Variants in AHCTF1 observed in about 807,000 individuals in gnomAD.
AHCTF1 encodes protein ELYS.
A neutral mutation model predicts 248.4 loss-of-function variants in AHCTF1; 24 were observed. The ratio of observed to expected loss-of-function variants is 0.10; its 90% CI spans 0.07 to 0.14. The LOEUF is 0.14. Ranked by LOEUF, AHCTF1 falls within the 10% of genes least tolerant of loss-of-function variation. The pLI, the probability that AHCTF1 is intolerant of heterozygous loss-of-function variation, is 1.00. For missense variants in AHCTF1, 2,206 were observed against 2,636.2 expected (o/e 0.84, Z 3.57); for synonymous variants, 786 against 929.8 (o/e 0.85, Z 2.81).
In AHCTF1 at chr1:246,853,401, G is replaced by C. The variant is rs527888948; in HGVS notation, c.4355-102C>G. 126 of 873,340 alleles carry C rather than the reference G, an allele frequency of 1.4e-4. 1 individual carries two copies. The highest frequency in any genetic ancestry group is 1.0e-3 in the Middle Eastern group (4 of 3,982). The allele number at this position is 873,340 out of a possible 1,614,324, so 54.1% of individuals were successfully genotyped here. ...AAAGGCTACACTGCACTTGAATAGT[G>C]TATTAATAAACTATCACAATGCCAG... is the stretch of plus-strand genomic sequence containing the variant. On this transcript the variant is annotated intron_variant, in intron 31 of 35. Transcript: ENST00000648844.
intron 20 of AHCTF1, 40 bp from the exon 21 acceptor site, chr1:246,885,720 C>T (rs1250626052): frequency 1.3e-6 from 2 of 1,532,990 alleles, no homozygotes; most frequent in Admixed American, 1.9e-5. Flanking sequence ...AAATATAATC[C>T]TATACATTTA....
intron 24 of AHCTF1, among the ~76,000 whole-genome samples, chr1:246,871,729 G>A (rs11582097): frequency 0.25 from 37,380 of 151,740 alleles, 4,701 homozygotes; most frequent in South Asian, 0.3. Flanking sequence ...GAGGCCTCCT[G>A]ACTGCAGACT....
chr1:246,857,530 A>G (rs548904047), intron 30 of AHCTF1, among the ~76,000 whole-genome samples, 161 bp downstream of exon 30: 7 of 152,368 alleles, frequency 4.6e-5, no homozygotes, highest in African/African-American at 1.4e-4. Flanking sequence ...TAAATGACAT[A>G]TAACTGCACA....
intron 24 of AHCTF1, among the ~76,000 whole-genome samples, 167 bp from the exon 25 acceptor site, chr1:246,867,978 C>G (rs957485211): frequency 4.8e-5 from 6 of 125,368 alleles, no homozygotes; most frequent in Non-Finnish European, 7.9e-5. Flanking sequence ...AATTTTTTTT[C>G]TTTTAGACCA....
intron 20 of AHCTF1, 65 bp from the exon 21 acceptor site, chr1:246,885,745 A>T (rs1663771832): frequency 1.4e-6 from 2 of 1,426,632 alleles, no homozygotes; most frequent in Non-Finnish European, 1.9e-6. Context: ...AAGTAGGTAA[A>T]CCTAACACTA....
At chr1:246,890,778 T>C (rs185088150) in intron 16 of AHCTF1, among the ~76,000 whole-genome samples, 178 bp downstream of exon 16, 78 of 152,156 alleles carry the variant, frequency 5.1e-4, no homozygotes, top group African/African-American at 1.6e-3. Flanking sequence ...GTGTCAGGCA[T>C]AGGATGAAGA....
intron 3 of AHCTF1, among the ~76,000 whole-genome samples, chr1:246,915,409 A>C (rs1666079588): frequency 6.6e-6 from 1 of 152,036 alleles, no homozygotes; most frequent in Non-Finnish European, 1.5e-5. Context: ...TCTAAAACCT[A>C]ACGTTTCTGG....
At chr1:246,922,334 C>T (rs905279265) in intron 1 of AHCTF1, among the ~76,000 whole-genome samples, 1 of 151,782 alleles carries the variant, frequency 6.6e-6, no homozygotes, top group South Asian at 2.1e-4. Flanking sequence ...CACTCCAGCG[C>T]GGGTGACAGA....
At chr1:246,896,707 CTGCACGG>C (rs1664598033) in intron 12 of AHCTF1, among the ~76,000 whole-genome samples, 1 of 152,170 alleles carries the variant, frequency 6.6e-6, no homozygotes, top group South Asian at 2.1e-4. Flanking sequence ...AATATCTGAA[CTGCACGG>C]TGTATGAAAT....
chr1:246,867,028 T>G (rs905950915), intron 26 of AHCTF1, among the ~76,000 whole-genome samples: 3 of 152,198 alleles, frequency 2.0e-5, no homozygotes, highest in Non-Finnish European at 4.4e-5. Context: ...TCCTGTCCAC[T>G]AAGCAGTCTG....
intron 6 of AHCTF1, 84 bp from the exon 7 acceptor site, chr1:246,904,117 C>G: frequency 8.2e-7 from 1 of 1,216,364 alleles, no homozygotes; most frequent in Non-Finnish European, 1.2e-6. Flanking sequence ...AGTTTGCTTG[C>G]AATGTTGAGT....
chr1:246,927,363 C>T (rs565034015), intron 1 of AHCTF1, among the ~76,000 whole-genome samples: 13 of 152,190 alleles, frequency 8.5e-5, no homozygotes, highest in African/African-American at 2.4e-4. Flanking sequence ...GCTGCATACG[C>T]TTGTCATCCC....
intron 26 of AHCTF1, among the ~76,000 whole-genome samples, chr1:246,864,809 C>T (rs1453802460): frequency 5.1e-5 from 1 of 19,610 alleles, no homozygotes; most frequent in Non-Finnish European, 6.8e-5. Context: ...CACTGCAGTC[C>T]GCAGTCCGAC....
At chr1:246,886,677 A>C (rs1341683172) in intron 20 of AHCTF1, among the ~76,000 whole-genome samples, 1 of 152,130 alleles carries the variant, frequency 6.6e-6, no homozygotes, top group East Asian at 1.9e-4. Flanking sequence ...GGTATACAAG[A>C]GGATGTGCAT....
chr1:246,918,177 T>C, intron 2 of AHCTF1, 73 bp downstream of exon 2: 2 of 1,335,582 alleles, frequency 1.5e-6, no homozygotes, highest in Non-Finnish European at 2.0e-6. Flanking sequence ...ATAAAGAAAC[T>C]ATAATATATA....
intron 33 of AHCTF1, among the ~76,000 whole-genome samples, chr1:246,845,330 G>T (rs1207708298): frequency 6.6e-6 from 1 of 151,462 alleles, no homozygotes; most frequent in Non-Finnish European, 1.5e-5. Flanking sequence ...TTTTTTGTGG[G>T]TACACAGTAG....
intron 20 of AHCTF1, 148 bp downstream of exon 20, chr1:246,887,063 G>T: frequency 2.5e-6 from 2 of 787,478 alleles, no homozygotes; most frequent in Non-Finnish European, 3.8e-6. Context: ...CTAAAATAGT[G>T]CTTGGTAAAG....
At chr1:246,860,360 T>G (rs987621214) in intron 29 of AHCTF1, among the ~76,000 whole-genome samples, 1 of 152,238 alleles carries the variant, frequency 6.6e-6, no homozygotes, top group Admixed American at 6.5e-5. Context: ...TATGGCATCT[T>G]ACATTTCTTT....
chr1:246,875,182 C>T (rs980798375), intron 24 of AHCTF1, among the ~76,000 whole-genome samples: 2 of 152,092 alleles, frequency 1.3e-5, no homozygotes, highest in African/African-American at 4.8e-5. Flanking sequence ...GGACCACTCC[C>T]TTACATACAA....
Sources: gnomAD v4.1 joint callset for allele counts (sites outside exome capture counted in the v4.1 genomes callset) on GRCh38, gnomAD v4.1.1 for gene constraint, MANE v1.5 for transcripts, NCBI Gene and HGNC (gene_info 2026-07-23, HGNC 2026-07-21) for gene names.